SLC12A1: variants seen among roughly 807,000 people sequenced by gnomAD.
The protein encoded by SLC12A1 is solute carrier family 12 member 1.
SLC12A1 carries 89 observed loss-of-function variants against 130.4 expected under a neutral mutation model. The observed-to-expected ratio is 0.68, with a 90% CI of 0.58 to 0.81. The LOEUF is 0.81. SLC12A1 is among the 40% of genes least tolerant of loss of function. The pLI is 0.00. For synonymous variants in SLC12A1, 499 were observed against 460.0 expected (o/e 1.08, Z -1.09); for missense variants, 1,310 against 1,336.4 (o/e 0.98, Z 0.31).
At chr15:48,302,679 G>T in intron 26 of SLC12A1, 71 bp from the exon 27 acceptor site, 3 of 835,902 alleles carry the variant, frequency 3.6e-6, no homozygotes, top group South Asian at 2.7e-5. Context: ...AAATAGCTCA[G>T]AAATACTAGT....
chr15:48,258,796 G>A (rs1393598168), intron 16 of SLC12A1, among the ~76,000 whole-genome samples: 1 of 152,102 alleles, frequency 6.6e-6, no homozygotes, highest in Non-Finnish European at 1.5e-5. Flanking sequence ...GTTCCACATG[G>A]CTGAGGAGGC....
intron 4 of SLC12A1, 37 bp from the exon 5 acceptor site, chr15:48,226,439 G>A: frequency 2.3e-6 from 3 of 1,315,788 alleles, no homozygotes; most frequent in Non-Finnish European, 3.2e-6. Context: ...AGGAAGAAAA[G>A]TAAAATGCAA....
intron 2 of SLC12A1, among the ~76,000 whole-genome samples, chr15:48,208,851 G>A (rs1284223191): frequency 6.6e-6 from 1 of 152,126 alleles, no homozygotes; most frequent in Non-Finnish European, 1.5e-5. Context: ...GTGTGTAGGG[G>A]TATTTTTTAT....
chr15:48,223,956 G>A (rs961141761), intron 4 of SLC12A1: 1 of 152,266 alleles, frequency 6.6e-6, no homozygotes, highest in African/African-American at 2.4e-5. Context: ...GTTAGAGACA[G>A]GGTATGGCCA....
Position 48,254,592 on chromosome 15 carries a change from T to TAAAAAAAAAA in SLC12A1, c.1943-1190_1943-1181dup, listed in dbSNP as rs550686114. Among the ~76,000 whole-genome samples the TAAAAAAAAAA allele has an allele frequency of 4.2e-4, 22 of 52,888 alleles. 1 individual carries two copies. The highest frequency in any genetic ancestry group is 8.1e-4 in the Non-Finnish European group (19 of 23,402). The allele number at this position is 52,888 out of a possible 152,430, so 34.7% of individuals were successfully genotyped here. ...AAGATCCATTTAATACTTAAATTCG[T>TAAAAAAAAAA]AAAAAAAAAAAAAAAAAAAAAAAAA... On this transcript the variant is annotated intron_variant, in intron 15 of 26. Transcript: ENST00000380993.
chr15:48,247,901 T>G (rs1184515433), intron 13 of SLC12A1, among the ~76,000 whole-genome samples: 2 of 152,188 alleles, frequency 1.3e-5, no homozygotes, highest in Non-Finnish European at 2.9e-5. Context: ...CCAGAGTAAC[T>G]GAGTCAGACT....
At chr15:48,220,485 G>A in intron 2 of SLC12A1, 149 bp from the exon 3 acceptor site, 1 of 841,976 alleles carries the variant, frequency 1.2e-6, no homozygotes, top group Non-Finnish European at 1.7e-6. Flanking sequence ...AAAAATATAA[G>A]TTTCATTAAA....
intron 4 of SLC12A1, chr15:48,223,852 C>T (rs2041247755): frequency 6.6e-6 from 1 of 152,226 alleles, no homozygotes; most frequent in Non-Finnish European, 1.5e-5. Context: ...TAAGAGTCTA[C>T]AGGGTCTAAA....
intron 24 of SLC12A1, 40 bp downstream of exon 24, chr15:48,291,904 ACTCT>A (rs765571705): frequency 8.3e-7 from 1 of 1,201,496 alleles, no homozygotes; most frequent in African/African-American, 1.5e-5. Context: ...TACCCATGGT[ACTCT>A]CTCATTCTCT....
chr15:48,298,637 C>T (rs982495177), intron 24 of SLC12A1, among the ~76,000 whole-genome samples: 12 of 152,170 alleles, frequency 7.9e-5, no homozygotes, highest in African/African-American at 2.7e-4. Context: ...CTCCTACCTG[C>T]CCGCGGCCTC....
chr15:48,289,558 G>T (rs1356363060), intron 23 of SLC12A1, among the ~76,000 whole-genome samples: 1 of 151,684 alleles, frequency 6.6e-6, no homozygotes, highest in Non-Finnish European at 1.5e-5. Context: ...TTCCTATTGT[G>T]CAAACATCAT....
chr15:48,233,712 A>G (rs80138916), intron 8 of SLC12A1, among the ~76,000 whole-genome samples: 1,528 of 152,116 alleles, frequency 0.01, 25 homozygotes, highest in East Asian at 0.096. Context: ...TTGATATCAC[A>G]TACCTCTTTC....
intron 16 of SLC12A1, among the ~76,000 whole-genome samples, 152 bp downstream of exon 16, chr15:48,256,062 C>G (rs923351304): frequency 3.3e-5 from 5 of 152,178 alleles, no homozygotes; most frequent in African/African-American, 1.2e-4. Flanking sequence ...CATGACAGCA[C>G]CTCCTGTAAG....
At chr15:48,235,234 G>C (rs987512612) in intron 9 of SLC12A1, 1 of 534,364 alleles carries the variant, frequency 1.9e-6, no homozygotes. Context: ...GAACAGGGTA[G>C]TGTGATAGTG....
chr15:48,211,027 CA>C (rs2041046372), intron 2 of SLC12A1, among the ~76,000 whole-genome samples: 1 of 151,978 alleles, frequency 6.6e-6, no homozygotes, highest in Middle Eastern at 3.2e-3. Context: ...TTCTTAGACA[CA>C]AAGGAATGGC....
At chr15:48,294,113 G>T (rs931834348) in intron 24 of SLC12A1, among the ~76,000 whole-genome samples, 8 of 151,922 alleles carry the variant, frequency 5.3e-5, no homozygotes, top group Non-Finnish European at 2.9e-5. Flanking sequence ...ACTTTGGGAG[G>T]CTGAGGCAGC....
chr15:48,284,479 T>C (rs1196777726), intron 20 of SLC12A1, among the ~76,000 whole-genome samples: 1 of 152,176 alleles, frequency 6.6e-6, no homozygotes, highest in Non-Finnish European at 1.5e-5. Context: ...TTTCTGTTTG[T>C]TTGTTTTTGC....
intron 24 of SLC12A1, among the ~76,000 whole-genome samples, chr15:48,297,756 C>G (rs931565943): frequency 6.6e-6 from 1 of 152,182 alleles, no homozygotes; most frequent in African/African-American, 2.4e-5. Flanking sequence ...AAGCCAGTTT[C>G]TAGCAGCCAT....
intron 25 of SLC12A1, among the ~76,000 whole-genome samples, chr15:48,300,016 G>A (rs1281223655): frequency 6.6e-6 from 1 of 152,176 alleles, no homozygotes; most frequent in Admixed American, 6.5e-5. Flanking sequence ...AAGTATAATT[G>A]CAGGCATTTA....
Sources: allele counts gnomAD v4.1 joint callset (sites outside exome capture counted in the v4.1 genomes callset), GRCh38; gene constraint gnomAD v4.1.1; transcripts MANE v1.5; gene names NCBI Gene and HGNC (gene_info 2026-07-23, HGNC 2026-07-21).